Variants in GALM observed in about 807,000 individuals in gnomAD.
GALM encodes aldose 1-epimerase.
In GALM, 43 loss-of-function variants were observed where a neutral mutation model predicts 37.4. The observed-to-expected ratio is 1.15, with a 90% CI of 0.90 to 1.48. The LOEUF (loss-of-function observed/expected upper bound fraction) is 1.48. Ranked by LOEUF, GALM falls within the 40% of genes most tolerant of loss-of-function variation. The pLI, the probability that GALM is intolerant of heterozygous loss-of-function variation, is 0.00. For synonymous variants in GALM, 199 were observed against 170.6 expected (o/e 1.17, Z -1.30); for missense variants, 456 against 419.1 (o/e 1.09, Z -0.77).
chr2:38,694,910 A>AAG (rs1558585664), intron 4 of GALM, among the ~76,000 whole-genome samples: 1 of 150,898 alleles, frequency 6.6e-6, no homozygotes, highest in Non-Finnish European at 1.5e-5. Context: ...AAAAAAAAAA[A>AAG]AACAAAAAAA....
chr2:38,679,175 C>G (rs1327321138), intron 2 of GALM, among the ~76,000 whole-genome samples: 1 of 152,006 alleles, frequency 6.6e-6, no homozygotes, highest in African/African-American at 2.4e-5. Context: ...TTAGTAGAGA[C>G]GAAGTTTCAC....
At chr2:38,732,608 T>C (rs181030520) in intron 6 of GALM, among the ~76,000 whole-genome samples, 2 of 152,282 alleles carry the variant, frequency 1.3e-5, no homozygotes, top group East Asian at 3.9e-4. Context: ...CTCCTGAAAG[T>C]GCCAGCCCAC....
At chr2:38,694,907 AAAAAAC>A (rs1322104001) in intron 4 of GALM, among the ~76,000 whole-genome samples, 1 of 151,034 alleles carries the variant, frequency 6.6e-6, no homozygotes, top group Non-Finnish European at 1.5e-5. Flanking sequence ...AAAAAAAAAA[AAAAAAC>A]AAAAAAAGAA....
intron 4 of GALM, among the ~76,000 whole-genome samples, chr2:38,709,844 G>A (rs1020998031): frequency 6.6e-6 from 1 of 152,202 alleles, no homozygotes; most frequent in African/African-American, 2.4e-5. Flanking sequence ...TTACGAAGAT[G>A]GCTTAATGAG....
chr2:38,716,385 C>T (rs1177768153), intron 4 of GALM, among the ~76,000 whole-genome samples: 1 of 152,214 alleles, frequency 6.6e-6, no homozygotes, highest in Non-Finnish European at 1.5e-5. Flanking sequence ...CTTGAGCAAA[C>T]ACTTGAGGTT....
chr2:38,688,459 C>T (rs955770915), intron 3 of GALM, among the ~76,000 whole-genome samples: 12 of 151,692 alleles, frequency 7.9e-5, no homozygotes, highest in Non-Finnish European at 1.5e-4. Flanking sequence ...TGCAGTGAGC[C>T]GAGATCGCGC....
At chr2:38,709,601 G>A (rs530328351) in intron 4 of GALM, among the ~76,000 whole-genome samples, 3 of 151,110 alleles carry the variant, frequency 2.0e-5, no homozygotes, top group African/African-American at 4.9e-5. Flanking sequence ...GAATAAAGCC[G>A]CAAACCCAAA....
At chr2:38,694,366 A>G (rs1018502784) in intron 4 of GALM, among the ~76,000 whole-genome samples, 2 of 152,152 alleles carry the variant, frequency 1.3e-5, no homozygotes, top group African/African-American at 4.8e-5. Flanking sequence ...CTCTTTTGCC[A>G]CCTTTTGTAC....
At chr2:38,673,879 A>T (rs1209787587) in intron 1 of GALM, among the ~76,000 whole-genome samples, 1 of 152,084 alleles carries the variant, frequency 6.6e-6, no homozygotes, top group Non-Finnish European at 1.5e-5. Context: ...GACATGGAGC[A>T]ATCTGAAGAT....
chr2:38,681,831 G>T (rs1458209492), intron 3 of GALM, among the ~76,000 whole-genome samples: 2 of 152,184 alleles, frequency 1.3e-5, no homozygotes, highest in African/African-American at 4.8e-5. Flanking sequence ...CAATTAAGGT[G>T]CCTTCCACCC....
intron 4 of GALM, among the ~76,000 whole-genome samples, chr2:38,718,068 C>T (rs1013244437): frequency 5.9e-5 from 9 of 151,712 alleles, no homozygotes; most frequent in Admixed American, 2.6e-4. Flanking sequence ...AACTCCTGGG[C>T]TCAAGAGATC....
At chr2:38,707,080 A>C (rs1168339189) in intron 4 of GALM, among the ~76,000 whole-genome samples, 1 of 136,280 alleles carries the variant, frequency 7.3e-6, no homozygotes, top group African/African-American at 2.8e-5. Context: ...GGGGATGTTC[A>C]GTGAGTTGTG....
intron 3 of GALM, among the ~76,000 whole-genome samples, chr2:38,686,275 T>TCTTTCTTTCTTTCTTTC (rs1665528937): frequency 8.3e-6 from 1 of 120,018 alleles, no homozygotes; most frequent in African/African-American, 3.4e-5. Flanking sequence ...TTTCTTTCTT[T>TCTTTCTTTCTTTCTTTC]CTTATTTTGA....
chr2:38,725,730 G>T (rs1362785687), intron 4 of GALM, among the ~76,000 whole-genome samples: 2 of 151,224 alleles, frequency 1.3e-5, no homozygotes, highest in South Asian at 2.1e-4. Context: ...GTTTTGTTTT[G>T]TTTTTTTGAG....
intron 5 of GALM, among the ~76,000 whole-genome samples, chr2:38,730,553 C>T (rs1406102000): frequency 6.6e-6 from 1 of 152,196 alleles, no homozygotes; most frequent in African/African-American, 2.4e-5. Context: ...GTGTAAGCCA[C>T]TGCACCCGGT....
At chr2:38,672,347 G>A (rs543097223) in intron 1 of GALM, among the ~76,000 whole-genome samples, 1 of 152,214 alleles carries the variant, frequency 6.6e-6, no homozygotes, top group East Asian at 1.9e-4. Context: ...CTGAAAAGCG[G>A]ATGAAACAAA....
intron 4 of GALM, among the ~76,000 whole-genome samples, chr2:38,711,800 CCATCACCATCATCAT>C (rs1666171480): frequency 2.8e-5 from 3 of 107,284 alleles, no homozygotes; most frequent in Non-Finnish European, 6.0e-5. Flanking sequence ...ATCACCATCA[CCATCACCATCATCAT>C]CATCACTATC....
At chr2:38,682,179 G>A (rs1224872072) in intron 3 of GALM, 2 of 404,824 alleles carry the variant, frequency 4.9e-6, no homozygotes, top group Admixed American at 2.5e-5. Context: ...TAAGAGTGGT[G>A]TAGAGCTGCT....
chr2:38,667,997 A>T (rs1051313104), intron 1 of GALM, among the ~76,000 whole-genome samples: 1 of 152,158 alleles, frequency 6.6e-6, no homozygotes, highest in Non-Finnish European at 1.5e-5. Context: ...GGCCTTGCCG[A>T]GTTTCCCCAC....
Sources: allele counts gnomAD v4.1 joint callset (sites outside exome capture counted in the v4.1 genomes callset), GRCh38; gene constraint gnomAD v4.1.1; transcripts MANE v1.5; gene names NCBI Gene and HGNC (gene_info 2026-07-23, HGNC 2026-07-21).